RBFOX1: variants seen among roughly 807,000 people sequenced by gnomAD.
RBFOX1 encodes RNA binding protein fox-1 homolog 1.
RBFOX1 carries 8 observed loss-of-function variants against 57.7 expected under a neutral mutation model. The ratio of observed to expected loss-of-function variants is 0.14; its 90% CI spans 0.08 to 0.25. RBFOX1 has a LOEUF of 0.25. RBFOX1 is among the 10% of genes least tolerant of loss of function. RBFOX1 has a pLI of 1.00. For missense variants in RBFOX1, 611 were observed against 548.5 expected (o/e 1.11, Z -1.14); for synonymous variants, 326 against 222.4 (o/e 1.47, Z -4.15).
chr16:7,369,416 C>G (rs1044567809), intron 4 of RBFOX1, among the ~76,000 whole-genome samples: 16 of 152,156 alleles, frequency 1.1e-4, no homozygotes, highest in East Asian at 5.8e-4. Flanking sequence ...CATCTCTCCT[C>G]TCACTATTAA....
chr16:6,185,043 G>C (rs1183099887), intron 1 of RBFOX1, among the ~76,000 whole-genome samples: 2 of 152,190 alleles, frequency 1.3e-5, no homozygotes, highest in East Asian at 3.9e-4. Context: ...GAGATGTCAA[G>C]GAGACAGCTC....
intron 3 of RBFOX1, among the ~76,000 whole-genome samples, chr16:6,854,217 A>G (rs2057374682): frequency 6.6e-6 from 1 of 152,170 alleles, no homozygotes; most frequent in Non-Finnish European, 1.5e-5. Context: ...ATTCATCTTC[A>G]CTGAGTTCCA....
intron 1 of RBFOX1, among the ~76,000 whole-genome samples, chr16:6,161,172 T>C (rs2096875895): frequency 6.6e-6 from 1 of 152,046 alleles, no homozygotes; most frequent in Non-Finnish European, 1.5e-5. Context: ...GCAGATCACT[T>C]GAGGTCAGGA....
chr16:6,887,013 G>T (rs1036480350), intron 3 of RBFOX1, among the ~76,000 whole-genome samples: 1 of 152,026 alleles, frequency 6.6e-6, no homozygotes, highest in Non-Finnish European at 1.5e-5. Flanking sequence ...CCACTTTCTG[G>T]TTTGATTATC....
intron 4 of RBFOX1, among the ~76,000 whole-genome samples, chr16:7,250,133 T>C (rs2094453104): frequency 1.3e-5 from 2 of 152,242 alleles, no homozygotes; most frequent in Non-Finnish European, 2.9e-5. Flanking sequence ...TTCATGTCTT[T>C]CAAGCCTTTT....
intron 3 of RBFOX1, among the ~76,000 whole-genome samples, chr16:6,751,578 C>G (rs984531988): frequency 1.3e-5 from 2 of 152,140 alleles, no homozygotes; most frequent in Non-Finnish European, 2.9e-5. Flanking sequence ...AGTGCTTCCT[C>G]TGCACATCTG....
chr16:7,604,341 G>C (rs1243785219), intron 9 of RBFOX1, among the ~76,000 whole-genome samples: 1 of 152,174 alleles, frequency 6.6e-6, no homozygotes, highest in Non-Finnish European at 1.5e-5. Flanking sequence ...GTTGACACCT[G>C]CACTCATGTT....
intron 3 of RBFOX1, among the ~76,000 whole-genome samples, chr16:6,765,960 C>T (rs1202093282): frequency 6.6e-6 from 1 of 151,988 alleles, no homozygotes; most frequent in Non-Finnish European, 1.5e-5. Context: ...GTATGATGGA[C>T]ATTGGAGACT....
chr16:7,293,089 A>C (rs1014723905), intron 4 of RBFOX1, among the ~76,000 whole-genome samples: 2 of 152,170 alleles, frequency 1.3e-5, no homozygotes, highest in Non-Finnish European at 2.9e-5. Flanking sequence ...ATTTTCAAGG[A>C]TGTGATAGAT....
intron 14 of RBFOX1, among the ~76,000 whole-genome samples, chr16:7,691,711 C>T (rs973726301): frequency 6.6e-6 from 1 of 152,108 alleles, no homozygotes; most frequent in Admixed American, 6.6e-5. Flanking sequence ...TTCCTGATGT[C>T]TAGCACATTG....
chr16:6,576,906 C>T (rs1237602203), intron 2 of RBFOX1: 7 of 152,162 alleles, frequency 4.6e-5, no homozygotes, highest in Non-Finnish European at 1.5e-5. Context: ...TGTTCCTCAT[C>T]CCCAGCAAAG....
chr16:6,073,298 A>G (rs922129074), intron 1 of RBFOX1, among the ~76,000 whole-genome samples: 2 of 152,312 alleles, frequency 1.3e-5, no homozygotes, highest in East Asian at 1.9e-4. Flanking sequence ...TGTAAAAGGA[A>G]TTGAGGTTTT....
chr16:6,936,026 G>A (rs1175865478), intron 3 of RBFOX1, among the ~76,000 whole-genome samples: 1 of 152,176 alleles, frequency 6.6e-6, no homozygotes, highest in Non-Finnish European at 1.5e-5. Flanking sequence ...AATGGCAAGA[G>A]GGTTTCTTCT....
intron 1 of RBFOX1, among the ~76,000 whole-genome samples, chr16:5,334,420 G>T (rs7201700): frequency 1.3e-5 from 2 of 152,024 alleles, no homozygotes; most frequent in East Asian, 3.9e-4. Context: ...TTCCTGCTCT[G>T]TCAGACTGTA....
At chr16:7,041,292 G>C (rs1286074664) in intron 3 of RBFOX1, among the ~76,000 whole-genome samples, 1 of 151,878 alleles carries the variant, frequency 6.6e-6, no homozygotes, top group Non-Finnish European at 1.5e-5. Context: ...GTTGTCAGTG[G>C]CTGCTTTTCC....
intron 3 of RBFOX1, among the ~76,000 whole-genome samples, chr16:6,741,186 A>G (rs1415276288): frequency 6.6e-6 from 1 of 152,194 alleles, no homozygotes; most frequent in Non-Finnish European, 1.5e-5. Flanking sequence ...ATAATAATAA[A>G]TAATAAATCT....
intron 3 of RBFOX1, among the ~76,000 whole-genome samples, chr16:5,780,797 G>T (rs868796092): frequency 6.6e-6 from 1 of 152,190 alleles, no homozygotes; most frequent in Non-Finnish European, 1.5e-5. Context: ...TTAAGTTCAA[G>T]TTACTCACTT....
chr16:7,620,757 G>A, intron 10 of RBFOX1, among the ~76,000 whole-genome samples: 1 of 152,320 alleles, frequency 6.6e-6, no homozygotes, highest in East Asian at 1.9e-4. Context: ...TGATAAACAG[G>A]TGTAGCTTTG....
intron 2 of RBFOX1, among the ~76,000 whole-genome samples, chr16:6,509,664 A>G (rs866801299): frequency 6.6e-6 from 1 of 152,196 alleles, no homozygotes; most frequent in Non-Finnish European, 1.5e-5. Flanking sequence ...TTAAGTGTAC[A>G]TTTTTAAATA....
Sources: allele counts gnomAD v4.1 joint callset (sites outside exome capture counted in the v4.1 genomes callset), GRCh38; gene constraint gnomAD v4.1.1; transcripts MANE v1.5; gene names NCBI Gene and HGNC (gene_info 2026-07-23, HGNC 2026-07-21).